The following SLC1A2 variants were observed in gnomAD, a reference collection of about 807,000 sequenced individuals.
The protein encoded by SLC1A2 is solute carrier family 1 member 2, also known as excitatory amino acid transporter 2.
Under a neutral mutation model 48.8 loss-of-function variants are expected in SLC1A2, and 15 were observed. That is an observed-to-expected ratio of 0.31 (90% CI 0.21 to 0.47). The LOEUF is 0.47. SLC1A2 is among the 20% of genes least tolerant of loss of function. The pLI, the probability that SLC1A2 is intolerant of heterozygous loss-of-function variation, is 0.99. For synonymous variants in SLC1A2, 279 were observed against 272.6 expected, an observed-to-expected ratio of 1.02 and a Z score of -0.23; for missense variants, 502 against 730.5, an observed-to-expected ratio of 0.69 and a Z score of 3.61.
At position 35,366,704 on chromosome 11, in the gene SLC1A2, T is replaced by C. The variant is rs546979879; in HGVS notation, c.18-49188A>G. On this transcript the variant is annotated intron_variant, in intron 1 of 10. Transcript: ENST00000278379. Reference sequence around the variant, plus strand: ...TTTGAAGCCGTGTTGTAAAATCTGCTCCTAGGAACCCAAACCAACACAAAA... The same window carrying C: ...TTTGAAGCCGTGTTGTAAAATCTGCCCCTAGGAACCCAAACCAACACAAAA... Among the ~76,000 whole-genome samples the C allele has an allele frequency of 2.6e-5, 4 of 152,266 alleles. No homozygotes were observed. In the South Asian group the frequency reaches 8.3e-4, roughly 32 times the overall value.
intron 7 of SLC1A2, chr11:35,291,490 G>A (rs1565218451): frequency 6.6e-6 from 1 of 152,150 alleles, no homozygotes; most frequent in South Asian, 2.1e-4. Flanking sequence ...TCGAACTCCT[G>A]ACTTCAAGTG....
intron 1 of SLC1A2, among the ~76,000 whole-genome samples, chr11:35,389,820 C>T (rs1263339641): frequency 6.6e-6 from 1 of 151,940 alleles, no homozygotes; most frequent in East Asian, 1.9e-4. Context: ...GCTATATTGC[C>T]CAGGCTGGTC....
chr11:35,265,638 A>G lies in SLC1A2; in HGVS notation c.1542T>C (p.Ile514=). The G allele has an allele frequency of 1.9e-6, 3 of 1,612,920 alleles. No individual in the cohort carries two copies. The highest frequency in any genetic ancestry group is 2.5e-6 in the Non-Finnish European group (3 of 1,178,880). ...IDSQHRVHED[I]EMTKTQSIYD... ...AAATGGATTGAGTCTTGGTCATTTCAATATCTTCATGCACTCGATGCTGGG... is the reference window on the plus strand; with the variant it reads ...AAATGGATTGAGTCTTGGTCATTTCGATATCTTCATGCACTCGATGCTGGG... The change falls in exon 10 of 11, where the codon ATT becomes ATC. Residue 514 remains isoleucine (I), a synonymous_variant. Transcript: ENST00000278379.
intron 8 of SLC1A2, 70 bp downstream of exon 8, chr11:35,286,687 T>C: frequency 8.9e-7 from 1 of 1,125,390 alleles, no homozygotes; most frequent in East Asian, 2.5e-5. Flanking sequence ...AAGTGGCCTC[T>C]GTCACATGGA....
intron 5 of SLC1A2, among the ~76,000 whole-genome samples, chr11:35,305,299 G>A (rs753875887): frequency 1.3e-5 from 2 of 152,192 alleles, no homozygotes; most frequent in Non-Finnish European, 2.9e-5. Context: ...CTCATACGGA[G>A]AGAGCACATG....
chr11:35,363,901 G>C (rs1235577695), intron 1 of SLC1A2, among the ~76,000 whole-genome samples: 2 of 152,166 alleles, frequency 1.3e-5, no homozygotes, highest in African/African-American at 4.8e-5. Context: ...AGGTGTACAA[G>C]GCAGGCTAGG....
At chr11:35,363,609 T>G (rs1002153075) in intron 1 of SLC1A2, among the ~76,000 whole-genome samples, 1 of 152,136 alleles carries the variant, frequency 6.6e-6, no homozygotes, top group East Asian at 1.9e-4. Context: ...TAGAGCACTT[T>G]CTGTCAGCCA....
chr11:35,326,016 G>A (rs1235675650), intron 1 of SLC1A2, among the ~76,000 whole-genome samples: 4 of 151,072 alleles, frequency 2.6e-5, no homozygotes, highest in African/African-American at 9.7e-5. Context: ...GAAAACCAGT[G>A]TGTAGCAGAA....
intron 1 of SLC1A2, among the ~76,000 whole-genome samples, chr11:35,378,833 G>A (rs372960306): frequency 2.6e-5 from 4 of 152,216 alleles, no homozygotes; most frequent in South Asian, 2.1e-4. Context: ...AGATTGGCAA[G>A]GATGCATAGC....
rs1331653544 is a variant in SLC1A2 at position 35,256,583 on chromosome 11, C to G, written c.*4311G>C. The G allele has an allele frequency of 6.6e-6, 1 of 150,382 alleles. No homozygotes were observed. Among genetic ancestry groups the G allele is most frequent in the Non-Finnish European group, 1.5e-5 (1 of 67,564 alleles). The allele number at this position is 150,382 out of a possible 1,614,324, so 9.3% of individuals were successfully genotyped here. ...TTATCTTCTTTGACAATTAGACTTA[C>G]AAAACTCACTCCAGAATTCCTTCAG... is the stretch of plus-strand genomic sequence containing the variant. On this transcript the variant is annotated 3_prime_UTR_variant, in exon 11 of 11. Transcript: ENST00000278379.
At chr11:35,333,089 T>C (rs1852482376) in intron 1 of SLC1A2, among the ~76,000 whole-genome samples, 2 of 152,066 alleles carry the variant, frequency 1.3e-5, no homozygotes, top group African/African-American at 4.8e-5. Context: ...ACAGGTCTCT[T>C]TCGCAGCTAC....
In SLC1A2 at chr11:35,295,887, C is replaced by T. The variant is rs565002757; in HGVS notation, c.858-3367G>A. Among the ~76,000 whole-genome samples, 3 of 152,320 alleles carry T rather than the reference C, an allele frequency of 2.0e-5. No individual in the cohort carries two copies. The East Asian group carries it at 5.8e-4, about 29-fold the overall frequency. On this transcript the variant is annotated intron_variant, in intron 6 of 10. Transcript: ENST00000278379. ...GTGTCCAGGTGCCAGAAACCACCAG[C>T]TTCCTGTTAACAATTCCCTGGCTTA...
At chr11:35,310,022 T>C (rs371087074) in intron 4 of SLC1A2, among the ~76,000 whole-genome samples, 1 of 152,222 alleles carries the variant, frequency 6.6e-6, no homozygotes, top group East Asian at 1.9e-4. Context: ...GCCTTTGCCA[T>C]GGGCAGCTGC....
Position 35,322,886 on chromosome 11 carries a change from C to T in SLC1A2, c.18-5370G>A, listed in dbSNP as rs867329205. 77 of 624,398 alleles carry T rather than the reference C, an allele frequency of 1.2e-4. No individual in the cohort carries two copies. In the Middle Eastern group the frequency reaches 2.7e-3, roughly 22 times the overall value. The allele number at this position is 624,398 out of a possible 1,614,324, so 38.7% of individuals were successfully genotyped here. ...ACCCCTGCTTTAAAAGGGCCTGAAA[C>T]TCTAAGACTTTCTGGCATTTCCAAC... On this transcript the variant is annotated intron_variant, in intron 1 of 10. Coordinates refer to ENST00000278379, the MANE Select transcript of SLC1A2 (RefSeq NM_004171.4).
intron 1 of SLC1A2, among the ~76,000 whole-genome samples, chr11:35,342,106 C>G (rs150807630): frequency 5.3e-5 from 8 of 152,252 alleles, no homozygotes; most frequent in African/African-American, 1.7e-4. Context: ...GAGGGTTTTG[C>G]AGACAGGTGT....
chr11:35,357,794 G>T (rs910702520), intron 1 of SLC1A2, among the ~76,000 whole-genome samples: 4 of 152,094 alleles, frequency 2.6e-5, no homozygotes, highest in Non-Finnish European at 5.9e-5. Context: ...GGCTAGAAAA[G>T]AATTTAAAAT....
At chr11:35,322,563 G>C in intron 1 of SLC1A2, 1 of 1,520,112 alleles carries the variant, frequency 6.6e-7, no homozygotes, top group Admixed American at 2.0e-5. Flanking sequence ...TCACCCACCT[G>C]TCCTTCCACT....
At chr11:35,415,738 G>A (rs910069474) in intron 1 of SLC1A2, among the ~76,000 whole-genome samples, 10 of 134,260 alleles carry the variant, frequency 7.4e-5, no homozygotes, top group African/African-American at 3.0e-4. Context: ...TGAAGCCCAA[G>A]CCCTCATGGC....
chr11:35,309,614 T>G (rs1275317981), intron 4 of SLC1A2, among the ~76,000 whole-genome samples: 1 of 152,170 alleles, frequency 6.6e-6, no homozygotes. Context: ...GAGCTCATCT[T>G]CCTCTTTACA....
Sources: gnomAD v4.1 joint callset for allele counts (sites outside exome capture counted in the v4.1 genomes callset) on GRCh38, gnomAD v4.1.1 for gene constraint, MANE v1.5 for transcripts, NCBI Gene and HGNC (gene_info 2026-07-23, HGNC 2026-07-21) for gene names.